Variants in GPR61 observed in about 807,000 individuals in gnomAD.
GPR61 encodes the protein G-protein coupled receptor 61.
Under a neutral mutation model 29.2 loss-of-function variants are expected in GPR61, and 15 were observed. The ratio of observed to expected loss-of-function variants is 0.51; its 90% CI spans 0.34 to 0.79. GPR61 has a LOEUF of 0.79. GPR61 is among the 30% of genes least tolerant of loss of function. GPR61 has a pLI of 0.01. For missense variants in GPR61, 399 were observed against 582.5 expected (o/e 0.69, Z 3.24); for synonymous variants, 238 against 242.3 (o/e 0.98, Z 0.17).
intron 1 of GPR61, among the ~76,000 whole-genome samples, chr1:109,542,083 T>C (rs1647659444): frequency 6.6e-6 from 1 of 152,212 alleles, no homozygotes; most frequent in South Asian, 2.1e-4. Context: ...CCTTCACATA[T>C]GGCATGGCAC....
At chr1:109,542,320 G>A (rs1468102190) in intron 1 of GPR61, 102 bp from the exon 2 acceptor site, 4 of 231,744 alleles carry the variant, frequency 1.7e-5, no homozygotes, top group Non-Finnish European at 1.8e-5. Flanking sequence ...TGTGGAAAAC[G>A]CCGTATCAAT....
At position 109,545,397 on chromosome 1, in the gene GPR61, A is replaced by G. The variant is rs1197924474; in HGVS notation, c.*1019A>G. On this transcript the variant is annotated 3_prime_UTR_variant, in exon 2 of 2. Coordinates refer to ENST00000527748, the MANE Select transcript of GPR61 (RefSeq NM_001393907.1). ...GGGTACAAGAGACTTAAGGTTGGGC[A>G]TGGGAAGGGTGGGGTTTCCATGATC... The G allele has an allele frequency of 6.6e-6, 1 of 152,156 alleles. No homozygotes were observed. Among genetic ancestry groups the G allele is most frequent in the East Asian group, 1.9e-4 (1 of 5,194 alleles). The allele number at this position is 152,156 out of a possible 1,614,324, so 9.4% of individuals were successfully genotyped here.
Position 109,543,925 on chromosome 1 carries a change from G to A in GPR61, c.903G>A (p.Leu301=). 1.2e-6 allele frequency: 2 copies of A among 1,614,072 alleles called. No individual in the cohort carries two copies. Among genetic ancestry groups the A allele is most frequent in the African/African-American group, 1.3e-5 (1 of 75,060 alleles). The change falls in exon 2 of 2, where the codon TTG becomes TTA. Residue 301 remains leucine (L), a synonymous_variant. Transcript: ENST00000527748. This position sits in a 1 kb window ranked among gnomAD's most constrained non-coding sequence, Gnocchi z 6.8. The part of the protein sequence containing the change: ...AVGGQFLLCW[L]PYFSFHLYVA... ...GGGGACAGTTCCTGCTCTGTTGGTT[G>A]CCCTACTTCTCTTTCCACCTCTATG...
In GPR61 at chr1:109,544,670, T is replaced by G; in HGVS notation, c.*292T>G. 5.1e-6 allele frequency: 2 copies of G among 390,020 alleles called. No individual in the cohort carries two copies. Among genetic ancestry groups the G allele is most frequent in the Admixed American group, 8.4e-5 (2 of 23,840 alleles). 24.2% of individuals were successfully genotyped at this position (390,020 alleles called of 1,614,324 possible). On this transcript the variant is annotated 3_prime_UTR_variant, in exon 2 of 2. Transcript: ENST00000527748. This position sits in a 1 kb window ranked among gnomAD's most constrained non-coding sequence, Gnocchi z 4.6. ...GTGAAACCTCTCAATTGGTGAAATT[T>G]CCATGCTTCCAGAAGCAGGGAATTC... is the stretch of plus-strand genomic sequence containing the variant.
rs1302649802 is a variant in GPR61, at chr1:109,544,719, A to G, written c.*341A>G. On this transcript the variant is annotated 3_prime_UTR_variant, in exon 2 of 2. Transcript: ENST00000527748. This position sits in a 1 kb window ranked among gnomAD's most constrained non-coding sequence, Gnocchi z 4.6. Reference sequence around the variant, plus strand: ...TCTCTAAGGGTAGGAGTTGGAGGATACAGGGCAGCAGGCCAGGTTTGGAGT... The same window carrying G: ...TCTCTAAGGGTAGGAGTTGGAGGATGCAGGGCAGCAGGCCAGGTTTGGAGT... 6.9e-6 allele frequency: 2 copies of G among 291,378 alleles called. No individual in the cohort carries two copies. The highest frequency in any genetic ancestry group is 4.7e-5 in the Admixed American group (1 of 21,224). The allele number at this position is 291,378 out of a possible 1,614,324, so 18.0% of individuals were successfully genotyped here.
At chr1:109,540,847 A>G (rs1004199285) in intron 1 of GPR61, among the ~76,000 whole-genome samples, 1 of 152,190 alleles carries the variant, frequency 6.6e-6, no homozygotes, top group Admixed American at 6.5e-5. Flanking sequence ...GGAGCTATGA[A>G]AAAGAGCAAT....
chr1:109,543,676 G>T lies in GPR61; in HGVS notation c.654G>T (p.Leu218=). The T allele has an allele frequency of 6.2e-7, 1 of 1,613,850 alleles. No individual in the cohort carries two copies. The highest frequency in any genetic ancestry group is 8.5e-7 in the Non-Finnish European group (1 of 1,180,012). The change falls in exon 2 of 2, where the codon CTG becomes CTT. Residue 218 remains leucine (L), a synonymous_variant. Transcript: ENST00000527748. The surrounding 1 kb of genome is among the most constrained non-coding windows in gnomAD (Gnocchi z 6.8). ...TGGTCTTTGCTGTCCTTTACTTTCT[G>T]TTGCCCCTGCTCCTCATACTTGTGG... ...FVVVFAVLYF[L]LPLLLILVVY...
At position 109,543,095 on chromosome 1, in the gene GPR61, C is replaced by T; in HGVS notation, c.73C>T (p.Pro25Ser). 3 of 1,570,642 alleles carry T rather than the reference C, an allele frequency of 1.9e-6. No homozygotes were observed. Among genetic ancestry groups the T allele is most frequent in the Non-Finnish European group, 1.7e-6 (2 of 1,156,600 alleles). ...GGGGAGGGTCCCTCAAACCCCAGGT[C>T]CCTCTACTGCCAGTGGGGTCCCGGA... ...TLGRVPQTPG[P>S]STASGVPEVG... is the part of the protein sequence containing the mutation. Residue 25 changes from proline to serine, a missense_variant, in exon 2 of 2, where the codon CCC becomes TCC. Pro to Ser is a moderately conservative substitution (Grantham distance 74, BLOSUM62 -1). Around this residue, in one of 3 missense-constraint regions of GPR61, gnomAD observed 78 missense variants for 101.0 expected, o/e 0.77. Transcript: ENST00000527748. The surrounding 1 kb of genome is among the most constrained non-coding windows in gnomAD (Gnocchi z 6.8).
chr1:109,543,856 G>A lies in GPR61; in HGVS notation c.834G>A (p.Arg278=). ...GGGCCCCCCAGACCACCCCACACCG[G>A]ACGTTTGGGGGAGGGAAAGCAGCAG... ...SSGAPQTTPH[R]TFGGGKAAVV... Residue 278 remains arginine, a synonymous_variant, in exon 2 of 2, where the codon CGG becomes CGA. Transcript: ENST00000527748. This position sits in a 1 kb window ranked among gnomAD's most constrained non-coding sequence, Gnocchi z 6.8. 6.2e-7 allele frequency: 1 copy of A among 1,613,272 alleles called. No homozygotes were observed.
In GPR61 at chr1:109,545,974, T is replaced by C. The variant is rs1257136939; in HGVS notation, c.*1596T>C. ...GTCTAAGTTGATGAGATACCTTATATTTTCACAAAGCACTTTGATTTGATA... is the reference window on the plus strand; with the variant it reads ...GTCTAAGTTGATGAGATACCTTATACTTTCACAAAGCACTTTGATTTGATA... On this transcript the variant is annotated 3_prime_UTR_variant, in exon 2 of 2. Transcript: ENST00000527748. 1 of 152,202 alleles carries C rather than the reference T, an allele frequency of 6.6e-6. No individual in the cohort carries two copies. The highest frequency in any genetic ancestry group is 6.5e-5 in the Admixed American group (1 of 15,274). 9.4% of individuals were successfully genotyped at this position (152,202 alleles called of 1,614,324 possible). A position where few individuals can be genotyped will look rare whatever the true frequency, so the allele number is the denominator to read the frequency against.
Position 109,546,850 on chromosome 1 carries a change from C to T in GPR61, c.*2472C>T, listed in dbSNP as rs761223283. Reference sequence around the variant, plus strand: ...CCAGATGCCTTGGTAAAGTTCAATACGTAATCTTTGGCTCTGAAAGCTGTT... The same window carrying T: ...CCAGATGCCTTGGTAAAGTTCAATATGTAATCTTTGGCTCTGAAAGCTGTT... On this transcript the variant is annotated 3_prime_UTR_variant, in exon 2 of 2. Transcript: ENST00000527748. 1.2e-4 allele frequency: 18 copies of T among 152,216 alleles called. No homozygotes were observed. The highest frequency in any genetic ancestry group is 2.4e-4 in the Non-Finnish European group (16 of 68,038). 9.4% of individuals were successfully genotyped at this position (152,216 alleles called of 1,614,324 possible).
In GPR61 at chr1:109,543,629, G is replaced by A. The variant is rs768710719; in HGVS notation, c.607G>A (p.Ala203Thr). The A allele has an allele frequency of 1.7e-5, 27 of 1,614,000 alleles. No individual in the cohort carries two copies. Among genetic ancestry groups the A allele is most frequent in the Non-Finnish European group, 2.0e-5 (24 of 1,180,034 alleles). ...CTGTTCACTCCAGTGGAGCCACAGT[G>A]CCTACTGCCAGCTTTTTGTGGTGGT... ...PGCSLQWSHSAYCQLFVVVFA... is the reference protein window; with the variant it reads ...PGCSLQWSHSTYCQLFVVVFA... Residue 203 changes from alanine (A) to threonine (T), a missense_variant, in exon 2 of 2, where the codon GCC becomes ACC. Coordinates refer to ENST00000527748, the MANE Select transcript of GPR61 (RefSeq NM_001393907.1). This position sits in a 1 kb window ranked among gnomAD's most constrained non-coding sequence, Gnocchi z 6.8.
At position 109,543,492 on chromosome 1, in the gene GPR61, G is replaced by GGCTGGTGGCCTCTGT; in HGVS notation, c.479_493dup (p.Ala160_Val164dup). The stretch of plus-strand genomic sequence containing the variant: ...CGCTACGAGGTGCGCATGACGCTGG[G>GGCTGGTGGCCTCTGT]GCTGGTGGCCTCTGTGCTGGTGGGT... On this transcript the variant is annotated inframe_insertion, in exon 2 of 2. Transcript: ENST00000527748. This position sits in a 1 kb window ranked among gnomAD's most constrained non-coding sequence, Gnocchi z 6.8. 1 of 1,614,058 alleles carries GGCTGGTGGCCTCTGT rather than the reference G, an allele frequency of 6.2e-7. No homozygotes were observed. The highest frequency in any genetic ancestry group is 8.5e-7 in the Non-Finnish European group (1 of 1,179,972).
rs143529971 is a variant in GPR61, at chr1:109,543,243, G to A, written c.221G>A (p.Arg74Gln). 2.5e-6 allele frequency: 4 copies of A among 1,614,176 alleles called. No individual in the cohort carries two copies. The highest frequency in any genetic ancestry group is 1.7e-5 in the Admixed American group (1 of 60,032). The change falls in exon 2 of 2, where the codon CGA becomes CAA. Residue 74 changes from arginine to glutamine, a missense_variant. Arg to Gln is a conservative substitution (Grantham distance 43, BLOSUM62 1). Around this residue, in one of 3 missense-constraint regions of GPR61, gnomAD observed 78 missense variants for 101.0 expected, o/e 0.77. Transcript: ENST00000527748. This position sits in a 1 kb window ranked among gnomAD's most constrained non-coding sequence, Gnocchi z 6.8. The part of the protein sequence containing the change: ...MAVIAKTPAL[R>Q]KFVFVFHLCL... ...GTGATCGCCAAGACGCCTGCCCTCCGAAAATTTGTCTTCGTCTTCCACCTC... is the reference window on the plus strand; with the variant it reads ...GTGATCGCCAAGACGCCTGCCCTCCAAAAATTTGTCTTCGTCTTCCACCTC...
rs1345446244 is a variant in GPR61, at chr1:109,542,923, C to T, written c.-100C>T. On this transcript the variant is annotated 5_prime_UTR_variant, in exon 2 of 2. Transcript: ENST00000527748. ...CCAGTGGGAGGTGCCCCCTACGAAA[C>T]CAGGAAGCCTGGGCCTGGGCTCGCC... 1 of 1,523,188 alleles carries T rather than the reference C, an allele frequency of 6.6e-7. No homozygotes were observed. The highest frequency in any genetic ancestry group is 8.9e-7 in the Non-Finnish European group (1 of 1,123,400). 94.4% of individuals were successfully genotyped at this position (1,523,188 alleles called of 1,614,324 possible). A position where few individuals can be genotyped will look rare whatever the true frequency, so the allele number is the denominator to read the frequency against.
At position 109,546,161 on chromosome 1, in the gene GPR61, T is replaced by A. The variant is rs1223286853; in HGVS notation, c.*1783T>A. 1.3e-5 allele frequency: 2 copies of A among 152,044 alleles called. No individual in the cohort carries two copies. The highest frequency in any genetic ancestry group is 1.3e-4 in the Admixed American group (2 of 15,256). The allele number at this position is 152,044 out of a possible 1,614,324, so 9.4% of individuals were successfully genotyped here. On this transcript the variant is annotated 3_prime_UTR_variant, in exon 2 of 2. Transcript: ENST00000527748. ...GAAACTCTCTAATGAAGAAAAAAAATTAAATGAAACTGGGCAAACAGCTTT... is the reference window on the plus strand; with the variant it reads ...GAAACTCTCTAATGAAGAAAAAAAAATAAATGAAACTGGGCAAACAGCTTT...
rs556978892 is a variant in GPR61 at position 109,543,223 on chromosome 1, C to T, written c.201C>T (p.Ile67=). ...GCAATGCCGCTGTGATGGCCGTGAT[C>T]GCCAAGACGCCTGCCCTCCGAAAAT... is the stretch of plus-strand genomic sequence containing the variant. The part of the protein sequence containing the change: ...VAGNAAVMAV[I]AKTPALRKFV... Residue 67 remains isoleucine (I), a synonymous_variant, in exon 2 of 2, where the codon ATC becomes ATT. Coordinates refer to ENST00000527748, the MANE Select transcript of GPR61 (RefSeq NM_001393907.1). The surrounding 1 kb of genome is among the most constrained non-coding windows in gnomAD (Gnocchi z 6.8). 7 of 1,614,180 alleles carry T rather than the reference C, an allele frequency of 4.3e-6. No individual in the cohort carries two copies. Among genetic ancestry groups the T allele is most frequent in the East Asian group, 4.5e-5 (2 of 44,866 alleles).
In GPR61 at chr1:109,543,187, T is replaced by G; in HGVS notation, c.165T>G (p.Thr55=). ...ALFFMLLLDL[T]AVAGNAAVMA... is the part of the protein sequence containing the mutation. ...TCTTCATGCTCCTGCTGGACTTGAC[T>G]GCTGTGGCTGGCAATGCCGCTGTGA... The change falls in exon 2 of 2, where the codon ACT becomes ACG. Residue 55 remains threonine, a synonymous_variant. Transcript: ENST00000527748. This position sits in a 1 kb window ranked among gnomAD's most constrained non-coding sequence, Gnocchi z 6.8. 6.2e-7 allele frequency: 1 copy of G among 1,614,020 alleles called. No homozygotes were observed. Among genetic ancestry groups the G allele is most frequent in the Non-Finnish European group, 8.5e-7 (1 of 1,179,926 alleles).
At position 109,544,582 on chromosome 1, in the gene GPR61, T is replaced by A; in HGVS notation, c.*204T>A. 1.8e-6 allele frequency: 1 copy of A among 556,010 alleles called. No individual in the cohort carries two copies. The highest frequency in any genetic ancestry group is 2.9e-5 in the South Asian group (1 of 34,792). The allele number at this position is 556,010 out of a possible 1,614,324, so 34.4% of individuals were successfully genotyped here. The stretch of plus-strand genomic sequence containing the variant: ...CTTGGACTTGGCTGTGATCTTTGAC[T>A]GCTAGGGGAGGGAACCTGGGTATGG... On this transcript the variant is annotated 3_prime_UTR_variant, in exon 2 of 2. Transcript: ENST00000527748. The surrounding 1 kb of genome is among the most constrained non-coding windows in gnomAD (Gnocchi z 4.6).
Sources: allele counts gnomAD v4.1 joint callset (sites outside exome capture counted in the v4.1 genomes callset), GRCh38; gene constraint gnomAD v4.1.1; regional missense constraint gnomAD v4.1.1; non-coding constraint Gnocchi (gnomAD v3.1); transcripts MANE v1.5; gene names NCBI Gene and HGNC (gene_info 2026-07-23, HGNC 2026-07-21).